Variants in CACNB2 observed in about 807,000 individuals in gnomAD.
CACNB2 encodes the protein calcium voltage-gated channel auxiliary subunit beta 2.
CACNB2 carries 42 observed loss-of-function variants against 73.3 expected under a neutral mutation model. The observed-to-expected ratio is 0.57, with a 90% CI of 0.45 to 0.74. The LOEUF (loss-of-function observed/expected upper bound fraction) is 0.74, where lower values mean the gene tolerates loss of function less well. Ranked by LOEUF, CACNB2 falls within the 30% of genes least tolerant of loss-of-function variation. CACNB2 has a pLI of 0.00. For missense variants in CACNB2, 940 were observed against 853.0 expected (o/e 1.10, Z -1.27); for synonymous variants, 348 against 310.3 (o/e 1.12, Z -1.28).
At chr10:18,432,702 G>A (rs2045947563) in intron 3 of CACNB2, among the ~76,000 whole-genome samples, 1 of 152,012 alleles carries the variant, frequency 6.6e-6, no homozygotes, top group Admixed American at 6.6e-5. Context: ...CCAGCATGGT[G>A]GAGTGTACCT....
chr10:18,363,018 C>G lies in CACNB2; in HGVS notation c.214-38906C>G, dbSNP rs535487328. Among the ~76,000 whole-genome samples the G allele has an allele frequency of 2.0e-5, 3 of 152,290 alleles. No homozygotes were observed. The South Asian group carries it at 6.2e-4, about 32-fold the overall frequency. On this transcript the variant is annotated intron_variant, in intron 2 of 13. Coordinates refer to ENST00000324631, the MANE Select transcript of CACNB2 (RefSeq NM_201596.3). Reference sequence around the variant, plus strand: ...TGGGCTAATTGGCTCTACCTGTGAGCAAAAGCTGATTGTCTGTGTTGAAGA... The same window carrying G: ...TGGGCTAATTGGCTCTACCTGTGAGGAAAAGCTGATTGTCTGTGTTGAAGA...
chr10:18,277,191 A>G (rs185727223), intron 2 of CACNB2, among the ~76,000 whole-genome samples: 16 of 152,310 alleles, frequency 1.1e-4, no homozygotes, highest in African/African-American at 3.4e-4. Flanking sequence ...AGTGGAAGCT[A>G]TGTGATAAAG....
chr10:18,492,260 G>A (rs1426483864), intron 3 of CACNB2, among the ~76,000 whole-genome samples: 5 of 152,136 alleles, frequency 3.3e-5, no homozygotes, highest in South Asian at 2.1e-4. Flanking sequence ...CTTACAATTC[G>A]ACATGAGTCT....
rs769211879 is a variant in CACNB2, at chr10:18,150,879, T to TTTTTTTTTTTTTTTTTTTTTTTTTTTTG, written c.121-3_121-2insTTTTTTTTTTTTTTTTTTTTTTTTTTGT. On this transcript the variant is annotated splice_polypyrimidine_tract_variant and splice_region_variant and intron_variant, in intron 1 of 13. Coordinates refer to ENST00000324631, the MANE Select transcript of CACNB2 (RefSeq NM_201596.3). Reference sequence around the variant, plus strand: ...TCTTTTTTTTTTTTTTTTTTTTTTTTTAGTCATATGGAAAAGGAGCCAGAA... The same window carrying TTTTTTTTTTTTTTTTTTTTTTTTTTTTG: ...TCTTTTTTTTTTTTTTTTTTTTTTTTTTTTTTTTTTTTTTTTTTTTTTTTTTTGTAGTCATATGGAAAAGGAGCCAGAA... 13 of 1,259,806 alleles carry TTTTTTTTTTTTTTTTTTTTTTTTTTTTG rather than the reference T, an allele frequency of 1.0e-5. No homozygotes were observed. The highest frequency in any genetic ancestry group is 1.1e-5 in the Non-Finnish European group (10 of 915,736). The allele number at this position is 1,259,806 out of a possible 1,614,324, so 78.0% of individuals were successfully genotyped here. A position where few individuals can be genotyped will look rare whatever the true frequency, so the allele number is the denominator to read the frequency against.
chr10:18,481,208 AT>A (rs1564599334), intron 3 of CACNB2, among the ~76,000 whole-genome samples: 14 of 9,818 alleles, frequency 1.4e-3, no homozygotes, highest in Admixed American at 1.7e-3. Flanking sequence ...ATATATATAT[AT>A]ATATATATAT....
At chr10:18,143,659 G>A (rs975636106) in intron 1 of CACNB2, among the ~76,000 whole-genome samples, 1 of 152,088 alleles carries the variant, frequency 6.6e-6, no homozygotes, top group Admixed American at 6.5e-5. Flanking sequence ...GTGAGGCTTG[G>A]GAAAGCCATC....
chr10:18,360,470 G>T (rs7921548), intron 2 of CACNB2, among the ~76,000 whole-genome samples: 82,665 of 151,968 alleles, frequency 0.54, 23,180 homozygotes, highest in East Asian at 0.95. Flanking sequence ...GGGATCCTCA[G>T]GCCTCAGCCT....
At chr10:18,182,676 G>A (rs1374761567) in intron 2 of CACNB2, among the ~76,000 whole-genome samples, 1 of 151,820 alleles carries the variant, frequency 6.6e-6, no homozygotes, top group Non-Finnish European at 1.5e-5. Context: ...CAAAAGATTA[G>A]CCAGGCGTGG....
rs35385599 is a variant in CACNB2, at chr10:18,461,764, C to CTTTT, written c.334-36572_334-36569dup. Among the ~76,000 whole-genome samples, 399 of 67,948 alleles carry CTTTT rather than the reference C, an allele frequency of 5.9e-3. 13 individuals carry two copies. The highest frequency in any genetic ancestry group is 0.012 in the African/African-American group (197 of 16,366). 44.6% of individuals were successfully genotyped at this position (67,948 alleles called of 152,430 possible). A position where few individuals can be genotyped will look rare whatever the true frequency, so the allele number is the denominator to read the frequency against. ...CCCTGCTTTAGGCATTTCGATAAAG[C>CTTTT]TTTTTTTTTTTTTTTTTTTTTTGGC... is the stretch of plus-strand genomic sequence containing the variant. On this transcript the variant is annotated intron_variant, in intron 3 of 13. Coordinates refer to ENST00000324631, the MANE Select transcript of CACNB2 (RefSeq NM_201596.3).
At chr10:18,226,117 C>T (rs565787023) in intron 2 of CACNB2, among the ~76,000 whole-genome samples, 2 of 151,880 alleles carry the variant, frequency 1.3e-5, no homozygotes, top group South Asian at 2.1e-4. Flanking sequence ...ACCTCCGCCT[C>T]CTGGGCTGAA....
intron 2 of CACNB2, among the ~76,000 whole-genome samples, chr10:18,249,818 T>C (rs112444227): frequency 0.02 from 3,004 of 152,314 alleles, 48 homozygotes; most frequent in Middle Eastern, 0.034. Context: ...TGAAATTGCC[T>C]ACCTGACTGC....
chr10:18,510,798 A>C (rs2050728695), intron 6 of CACNB2, among the ~76,000 whole-genome samples: 1 of 152,202 alleles, frequency 6.6e-6, no homozygotes, highest in South Asian at 2.1e-4. Context: ...GAGCCCAATA[A>C]AAGATGAGAA....
At chr10:18,339,548 C>T (rs1564449349) in intron 2 of CACNB2, among the ~76,000 whole-genome samples, 1 of 152,088 alleles carries the variant, frequency 6.6e-6, no homozygotes, top group African/African-American at 2.4e-5. Flanking sequence ...TATTCTCCCA[C>T]CAACAGTATG....
At chr10:18,170,060 C>T (rs1285636591) in intron 2 of CACNB2, among the ~76,000 whole-genome samples, 1 of 152,188 alleles carries the variant, frequency 6.6e-6, no homozygotes, top group African/African-American at 2.4e-5. Context: ...TGCAGTGCAC[C>T]TCATTGGCTC....
intron 2 of CACNB2, among the ~76,000 whole-genome samples, chr10:18,153,231 C>T (rs1472197089): frequency 6.6e-6 from 1 of 152,120 alleles, no homozygotes; most frequent in African/African-American, 2.4e-5. Context: ...ATATACAGGT[C>T]TGTTTCCTAG....
At chr10:18,398,154 A>G (rs975102388) in intron 2 of CACNB2, among the ~76,000 whole-genome samples, 1 of 152,228 alleles carries the variant, frequency 6.6e-6, no homozygotes, top group African/African-American at 2.4e-5. Context: ...ATAAAAGCTT[A>G]ATTAGATATA....
intron 2 of CACNB2, among the ~76,000 whole-genome samples, chr10:18,372,964 C>T (rs1472585024): frequency 6.6e-6 from 1 of 152,092 alleles, no homozygotes; most frequent in Non-Finnish European, 1.5e-5. Context: ...TGTGAGTCAC[C>T]ACACCCAGCT....
chr10:18,415,510 C>T (rs2044900405), intron 3 of CACNB2, among the ~76,000 whole-genome samples: 1 of 151,700 alleles, frequency 6.6e-6, no homozygotes, highest in African/African-American at 2.4e-5. Context: ...GCATTATGAG[C>T]CAAATGGCAA....
At chr10:18,487,288 G>A (rs1220548792) in intron 3 of CACNB2, among the ~76,000 whole-genome samples, 1 of 152,144 alleles carries the variant, frequency 6.6e-6, no homozygotes, top group African/African-American at 2.4e-5. Flanking sequence ...CACAGCTGCG[G>A]CATTTACCTG....
Sources: gnomAD v4.1 joint callset for allele counts (sites outside exome capture counted in the v4.1 genomes callset) on GRCh38, gnomAD v4.1.1 for gene constraint, MANE v1.5 for transcripts, NCBI Gene and HGNC (gene_info 2026-07-23, HGNC 2026-07-21) for gene names.